Variants in IQCJ observed in about 807,000 individuals in gnomAD.
The protein encoded by IQCJ is IQ motif containing J.
Under a neutral mutation model 11.0 loss-of-function variants are expected in IQCJ, and 9 were observed. The observed-to-expected ratio is 0.82, with a 90% CI of 0.49 to 1.43. IQCJ has a LOEUF of 1.43. Ranked by LOEUF, IQCJ falls within the 40% of genes most tolerant of loss-of-function variation. The pLI, the probability that IQCJ is intolerant of heterozygous loss-of-function variation, is 0.00. For synonymous variants in IQCJ, 55 were observed against 51.3 expected (o/e 1.07, Z -0.31); for missense variants, 146 against 133.2 (o/e 1.10, Z -0.47).
At chr3:159,092,794 C>A (rs530394017) in intron 1 of IQCJ, among the ~76,000 whole-genome samples, 572 of 126,212 alleles carry the variant, frequency 4.5e-3, no homozygotes, top group Non-Finnish European at 7.9e-3. Flanking sequence ...TCTGAATTAA[C>A]TATTTTTTTT....
intron 1 of IQCJ, among the ~76,000 whole-genome samples, chr3:159,243,409 G>A (rs1288645226): frequency 6.6e-6 from 1 of 152,176 alleles, no homozygotes; most frequent in East Asian, 1.9e-4. Flanking sequence ...TGTTGTGTAT[G>A]TGTACAATAG....
chr3:159,263,520 A>C lies in IQCJ; in HGVS notation c.*789A>C. 2 of 985,068 alleles carry C rather than the reference A, an allele frequency of 2.0e-6. No individual in the cohort carries two copies. Among genetic ancestry groups the C allele is most frequent in the Non-Finnish European group, 2.4e-6 (2 of 829,592 alleles). 61.0% of individuals were successfully genotyped at this position (985,068 alleles called of 1,614,324 possible). A position where few individuals can be genotyped will look rare whatever the true frequency, so the allele number is the denominator to read the frequency against. ...GAACCAGGATTTTGTGGATTTAAGC[A>C]TTGTGATAATTTGTAACCAGTCACT... On this transcript the variant is annotated 3_prime_UTR_variant, in exon 4 of 4. Coordinates refer to ENST00000397832, the MANE Select transcript of IQCJ (RefSeq NM_001042706.3).
chr3:159,170,672 C>A (rs1722440260), intron 1 of IQCJ, among the ~76,000 whole-genome samples: 1 of 149,114 alleles, frequency 6.7e-6, no homozygotes, highest in African/African-American at 2.5e-5. Context: ...TTTCGCTTGG[C>A]TTTGTGATGG....
intron 1 of IQCJ, among the ~76,000 whole-genome samples, chr3:159,095,485 G>A (rs1048655463): frequency 7.5e-6 from 1 of 133,102 alleles, no homozygotes; most frequent in Non-Finnish European, 1.6e-5. Flanking sequence ...TCTAGCATTA[G>A]GTATATCTCC....
chr3:159,090,236 G>A (rs1247118059), intron 1 of IQCJ, among the ~76,000 whole-genome samples: 1 of 151,266 alleles, frequency 6.6e-6, no homozygotes, highest in Non-Finnish European at 1.5e-5. Flanking sequence ...CTGCTCGGGG[G>A]GTCAGGGGTC....
At chr3:159,217,531 GT>G (rs1367504998) in intron 1 of IQCJ, among the ~76,000 whole-genome samples, 3 of 152,228 alleles carry the variant, frequency 2.0e-5, no homozygotes, top group Non-Finnish European at 4.4e-5. Context: ...TCTTGAATGT[GT>G]GTATTGTACT....
chr3:159,251,973 A>C (rs1727627639), intron 2 of IQCJ, among the ~76,000 whole-genome samples: 1 of 152,234 alleles, frequency 6.6e-6, no homozygotes, highest in Non-Finnish European at 1.5e-5. Flanking sequence ...CTTTCTGCTT[A>C]TCAAAGCCTA....
At chr3:159,211,209 T>C (rs1724932491) in intron 1 of IQCJ, among the ~76,000 whole-genome samples, 1 of 152,234 alleles carries the variant, frequency 6.6e-6, no homozygotes. Flanking sequence ...TGATCGTTTC[T>C]GGGTGTCAAA....
At chr3:159,115,504 C>A (rs1281720306) in intron 1 of IQCJ, among the ~76,000 whole-genome samples, 1 of 152,210 alleles carries the variant, frequency 6.6e-6, no homozygotes. Flanking sequence ...GTAACACTTT[C>A]TCTGCCACAG....
At chr3:159,074,908 G>A (rs1415948587) in intron 1 of IQCJ, among the ~76,000 whole-genome samples, 2 of 152,058 alleles carry the variant, frequency 1.3e-5, no homozygotes, top group African/African-American at 2.4e-5. Flanking sequence ...TGTTCCTGGG[G>A]TAGATAGAGG....
At chr3:159,228,309 A>C (rs766858220) in intron 1 of IQCJ, among the ~76,000 whole-genome samples, 1 of 152,202 alleles carries the variant, frequency 6.6e-6, no homozygotes, top group East Asian at 1.9e-4. Flanking sequence ...TCTGAAGAAA[A>C]AAATACCAAT....
chr3:159,101,925 C>T (rs1717954300), intron 1 of IQCJ, among the ~76,000 whole-genome samples: 1 of 152,218 alleles, frequency 6.6e-6, no homozygotes, highest in Non-Finnish European at 1.5e-5. Flanking sequence ...TTTCATGTAT[C>T]TGCTATTTAC....
chr3:159,106,469 G>A (rs1183773573), intron 1 of IQCJ, among the ~76,000 whole-genome samples: 1 of 152,076 alleles, frequency 6.6e-6, no homozygotes, highest in Non-Finnish European at 1.5e-5. Flanking sequence ...AATTTGAGGA[G>A]CAACCAGCAA....
At chr3:159,174,580 C>T (rs11717652) in intron 1 of IQCJ, among the ~76,000 whole-genome samples, 33,666 of 151,898 alleles carry the variant, frequency 0.22, 4,546 homozygotes, top group South Asian at 0.38. Context: ...CTTTTTGCTT[C>T]AAATATTTGA....
At chr3:159,135,264 T>G (rs906835448) in intron 1 of IQCJ, among the ~76,000 whole-genome samples, 5 of 152,186 alleles carry the variant, frequency 3.3e-5, no homozygotes, top group African/African-American at 1.2e-4. Flanking sequence ...GGGTAAGGCT[T>G]TTCTATGTCA....
At chr3:159,159,625 AC>A (rs2108216379) in intron 1 of IQCJ, among the ~76,000 whole-genome samples, 3 of 152,198 alleles carry the variant, frequency 2.0e-5, no homozygotes, top group Admixed American at 2.0e-4. Flanking sequence ...GTCTTCAAAA[AC>A]ATTATCCTGA....
chr3:159,207,976 G>A (rs1375092523), intron 1 of IQCJ, among the ~76,000 whole-genome samples: 1 of 152,148 alleles, frequency 6.6e-6, no homozygotes, highest in Admixed American at 6.5e-5. Context: ...TAGGGCTATG[G>A]TGCAGAGCAT....
intron 1 of IQCJ, among the ~76,000 whole-genome samples, chr3:159,139,940 A>G (rs999955823): frequency 2.0e-5 from 3 of 152,198 alleles, no homozygotes; most frequent in Admixed American, 6.5e-5. Flanking sequence ...AGGTCTTCTG[A>G]CTGAGCACTC....
chr3:159,178,886 A>C (rs1393855354), intron 1 of IQCJ, among the ~76,000 whole-genome samples: 1 of 152,022 alleles, frequency 6.6e-6, no homozygotes, highest in Admixed American at 6.6e-5. Flanking sequence ...TGATCAGGGC[A>C]CTTACCCCTG....
Sources: gnomAD v4.1 joint callset for allele counts (sites outside exome capture counted in the v4.1 genomes callset) on GRCh38, gnomAD v4.1.1 for gene constraint, MANE v1.5 for transcripts, NCBI Gene and HGNC (gene_info 2026-07-23, HGNC 2026-07-21) for gene names.